Variants in DOCK4 observed in about 807,000 individuals in gnomAD.
DOCK4 encodes the protein dedicator of cytokinesis protein 4.
Under a neutral mutation model 268.1 loss-of-function variants are expected in DOCK4, and 97 were observed. The ratio of observed to expected loss-of-function variants is 0.36; its 90% CI spans 0.31 to 0.43. The LOEUF is 0.43. Among genes scored for constraint, DOCK4 ranks in the 20% least tolerant of loss-of-function variants. The probability of loss-of-function intolerance (pLI) is 1.00; values close to 1 mark genes in which losing one functional copy is unlikely to be tolerated. For synonymous variants in DOCK4, 954 were observed against 887.2 expected, an observed-to-expected ratio of 1.08 and a Z score of -1.34; for missense variants, 2,145 against 2,455.7, an observed-to-expected ratio of 0.87 and a Z score of 2.67.
intron 1 of DOCK4, among the ~76,000 whole-genome samples, chr7:112,021,295 G>C (rs1802296947): frequency 6.6e-6 from 1 of 152,168 alleles, no homozygotes; most frequent in Non-Finnish European, 1.5e-5. Flanking sequence ...ATATAGATGA[G>C]GTAAATACCA....
chr7:112,151,444 C>T (rs532689678), intron 1 of DOCK4, among the ~76,000 whole-genome samples: 4 of 152,166 alleles, frequency 2.6e-5, no homozygotes, highest in South Asian at 2.1e-4. Flanking sequence ...GGCATACCCA[C>T]GGCACCACAG....
At chr7:112,185,657 T>C (rs184252878) in intron 1 of DOCK4, among the ~76,000 whole-genome samples, 3 of 152,102 alleles carry the variant, frequency 2.0e-5, no homozygotes, top group East Asian at 1.9e-4. Flanking sequence ...ACACCTTCAA[T>C]AGTCTGACCA....
intron 4 of DOCK4, among the ~76,000 whole-genome samples, chr7:111,998,132 C>G (rs1469584861): frequency 6.6e-6 from 1 of 152,126 alleles, no homozygotes; most frequent in African/African-American, 2.4e-5. Flanking sequence ...TTTAATGGGT[C>G]TGACTGACAT....
rs186219554 is a variant in DOCK4 at position 111,945,008 on chromosome 7, G to A, written c.784-137C>T. 5 of 729,286 alleles carry A rather than the reference G, an allele frequency of 6.9e-6. No homozygotes were observed. In the East Asian group the frequency reaches 1.3e-4, roughly 20 times the overall value. The allele number at this position is 729,286 out of a possible 1,614,324, so 45.2% of individuals were successfully genotyped here. The stretch of plus-strand genomic sequence containing the variant: ...TGGAATGTTTGTAGCAGAAGTACAT[G>A]ATTTAAATCCTGTTCTAAAAATATC... On this transcript the variant is annotated intron_variant, in intron 9 of 52. Transcript: ENST00000428084.
intron 44 of DOCK4, among the ~76,000 whole-genome samples, chr7:111,742,550 A>G (rs1395282745): frequency 7.4e-5 from 1 of 13,492 alleles, no homozygotes; most frequent in Non-Finnish European, 1.9e-4. Flanking sequence ...TTTGCATGGC[A>G]CCCTCTCCCC....
At chr7:112,176,686 C>G (rs1400200044) in intron 1 of DOCK4, among the ~76,000 whole-genome samples, 4 of 152,160 alleles carry the variant, frequency 2.6e-5, no homozygotes, top group African/African-American at 7.2e-5. Context: ...AACACCAAGT[C>G]CTACTCAGTA....
At chr7:112,110,040 G>A (rs372628587) in intron 1 of DOCK4, among the ~76,000 whole-genome samples, 13 of 152,228 alleles carry the variant, frequency 8.5e-5, no homozygotes, top group East Asian at 5.8e-4. Context: ...CACCGCGCCC[G>A]GCCGTAAAAT....
intron 1 of DOCK4, among the ~76,000 whole-genome samples, chr7:112,127,076 C>T (rs1176213700): frequency 6.6e-6 from 1 of 151,356 alleles, no homozygotes; most frequent in African/African-American, 2.4e-5. Context: ...ACCCAAAGGA[C>T]TATAAATCAT....
chr7:111,976,272 TA>T (rs1562954379), intron 8 of DOCK4, among the ~76,000 whole-genome samples: 181 of 1,898 alleles, frequency 0.095, 2 homozygotes, highest in African/African-American at 0.14. Flanking sequence ...GTGTCTATTA[TA>T]TATATATATA....
At chr7:112,125,499 A>G (rs1813133274) in intron 1 of DOCK4, among the ~76,000 whole-genome samples, 1 of 152,236 alleles carries the variant, frequency 6.6e-6, no homozygotes, top group Non-Finnish European at 1.5e-5. Flanking sequence ...CACTTCAGTT[A>G]TAATTTATAC....
At chr7:111,861,753 A>G (rs1377583613) in intron 23 of DOCK4, among the ~76,000 whole-genome samples, 1 of 142,398 alleles carries the variant, frequency 7.0e-6, no homozygotes, top group Non-Finnish European at 1.5e-5. Context: ...CTCAAAAAAA[A>G]AAAAAAATAA....
chr7:112,108,270 C>A (rs1811311225), intron 1 of DOCK4, among the ~76,000 whole-genome samples: 1 of 152,118 alleles, frequency 6.6e-6, no homozygotes, highest in African/African-American at 2.4e-5. Flanking sequence ...AACCTGAATT[C>A]TAAATTTATA....
chr7:111,998,639 C>T, intron 3 of DOCK4, 136 bp from the exon 4 acceptor site: 1 of 500,524 alleles, frequency 2.0e-6, no homozygotes, highest in Non-Finnish European at 3.4e-6. Context: ...ACCACATTCT[C>T]TTGGATGAAA....
At chr7:111,768,597 A>G (rs535273954) in intron 37 of DOCK4, among the ~76,000 whole-genome samples, 7 of 131,234 alleles carry the variant, frequency 5.3e-5, no homozygotes, top group Admixed American at 2.1e-4. Flanking sequence ...GAATTTTTTA[A>G]AAGAGTACTA....
chr7:112,159,265 T>A (rs1162293469), intron 1 of DOCK4, among the ~76,000 whole-genome samples: 1 of 152,052 alleles, frequency 6.6e-6, no homozygotes, highest in Non-Finnish European at 1.5e-5. Flanking sequence ...CTTTCTCACA[T>A]CTGCATCTCT....
rs182789630 is a variant in DOCK4, at chr7:112,095,352, A to G, written c.38-91221T>C. 3.9e-5 allele frequency among the ~76,000 whole-genome samples: 6 copies of G among 152,286 alleles called. No homozygotes were observed. The East Asian group carries it at 1.2e-3, about 29-fold the overall frequency. ...GGTAAGGGATTTTAATTGCTATAAGAAATATTTAGTTTAGATTTAGTTTTA... is the reference window on the plus strand; with the variant it reads ...GGTAAGGGATTTTAATTGCTATAAGGAATATTTAGTTTAGATTTAGTTTTA... On this transcript the variant is annotated intron_variant, in intron 1 of 52. Transcript: ENST00000428084.
At chr7:111,758,007 G>C (rs186056834) in intron 41 of DOCK4, among the ~76,000 whole-genome samples, 119 of 152,242 alleles carry the variant, frequency 7.8e-4, no homozygotes, top group African/African-American at 2.8e-3. Context: ...TGAGGGTGCT[G>C]AAGTAGGAAG....
chr7:112,190,895 G>A (rs1295601160), intron 1 of DOCK4, among the ~76,000 whole-genome samples: 2 of 152,038 alleles, frequency 1.3e-5, no homozygotes, highest in Non-Finnish European at 2.9e-5. Flanking sequence ...GGTAGGACAG[G>A]GCTTCTCTGA....
At chr7:111,905,837 G>C (rs924750074) in intron 13 of DOCK4, among the ~76,000 whole-genome samples, 6 of 152,036 alleles carry the variant, frequency 3.9e-5, no homozygotes, top group African/African-American at 1.5e-4. Context: ...GGTGAACTTA[G>C]ATTACTGTTG....
Sources: allele counts gnomAD v4.1 joint callset (sites outside exome capture counted in the v4.1 genomes callset), GRCh38; gene constraint gnomAD v4.1.1; transcripts MANE v1.5; gene names NCBI Gene and HGNC (gene_info 2026-07-23, HGNC 2026-07-21).